PLA2G2C: variants seen among roughly 807,000 people sequenced by gnomAD.
The protein encoded by PLA2G2C is phospholipase A2 group IIC, also known as putative inactive group IIC secretory phospholipase A2.
PLA2G2C carries 15 observed loss-of-function variants against 14.3 expected under a neutral mutation model. The ratio of observed to expected loss-of-function variants is 1.05; its 90% confidence interval spans 0.70 to 1.62. The LOEUF is 1.62. Ranked by LOEUF, PLA2G2C falls within the 40% of genes most tolerant of loss-of-function variation. PLA2G2C has a pLI of 0.00. For synonymous variants in PLA2G2C, 79 were observed against 67.7 expected (o/e 1.17, Z -0.82); for missense variants, 162 against 173.2 (o/e 0.94, Z 0.36).
intron 4 of PLA2G2C, among the ~76,000 whole-genome samples, chr1:20,165,193 C>T (rs2017955331): frequency 6.6e-6 from 1 of 152,170 alleles, no homozygotes; most frequent in Non-Finnish European, 1.5e-5. Flanking sequence ...TGTCTCTGGG[C>T]CTTTGGACTT....
At chr1:20,171,793 G>A (rs1224295703) in intron 4 of PLA2G2C, among the ~76,000 whole-genome samples, 7 of 125,982 alleles carry the variant, frequency 5.6e-5, no homozygotes, top group African/African-American at 1.8e-4. Context: ...ACGGAGTCTC[G>A]CTCTGTGGCC....
intron 1 of PLA2G2C, among the ~76,000 whole-genome samples, chr1:20,181,689 G>A (rs1270829619): frequency 6.6e-6 from 1 of 152,178 alleles, no homozygotes; most frequent in Non-Finnish European, 1.5e-5. Context: ...GGACAGGAAT[G>A]GAGTCAGAGC....
At chr1:20,177,950 A>G (rs2018214360) in intron 1 of PLA2G2C, among the ~76,000 whole-genome samples, 1 of 152,194 alleles carries the variant, frequency 6.6e-6, no homozygotes, top group African/African-American at 2.4e-5. Flanking sequence ...AGGGCTTCAC[A>G]GGTATTACAT....
chr1:20,172,145 G>A (rs999224257), intron 4 of PLA2G2C, among the ~76,000 whole-genome samples: 21 of 152,222 alleles, frequency 1.4e-4, no homozygotes, highest in African/African-American at 5.1e-4. Context: ...GGAAAGGATG[G>A]TGCTCACGAA....
intron 4 of PLA2G2C, among the ~76,000 whole-genome samples, chr1:20,169,116 A>G (rs1484807878): frequency 6.6e-5 from 10 of 152,328 alleles, no homozygotes; most frequent in Non-Finnish European, 8.8e-5. Context: ...GGAGTTGGTT[A>G]ACTCTTGCAG....
At chr1:20,174,728 G>T (rs957286267) in intron 3 of PLA2G2C, among the ~76,000 whole-genome samples, 3 of 152,120 alleles carry the variant, frequency 2.0e-5, no homozygotes, top group Non-Finnish European at 4.4e-5. Flanking sequence ...TGAGTGCCAG[G>T]CCCTGTGAAA....
intron 1 of PLA2G2C, among the ~76,000 whole-genome samples, chr1:20,183,570 G>A (rs898066693): frequency 2.6e-5 from 4 of 152,234 alleles, no homozygotes; most frequent in African/African-American, 9.6e-5. Context: ...GAAGGGAGCC[G>A]ACCTAGGGAG....
rs2018394259 is a variant in PLA2G2C, at chr1:20,186,406, C to T, written c.-123G>A. ...CCCGGGCTCTGCAGAAACCGAGGGA[C>T]CTATGCAACCGCTGGGCCATGCCCT... is the stretch of plus-strand genomic sequence containing the variant. On this transcript the variant is annotated 5_prime_UTR_variant, in exon 1 of 5. Coordinates refer to ENST00000679259, the MANE Select transcript of PLA2G2C (RefSeq NM_001367969.2). 6.6e-6 allele frequency: 1 copy of T among 152,350 alleles called. No individual in the cohort carries two copies. Among genetic ancestry groups the T allele is most frequent in the Admixed American group, 6.5e-5 (1 of 15,290 alleles). 9.4% of individuals were successfully genotyped at this position (152,350 alleles called of 1,614,324 possible). A position where few individuals can be genotyped will look rare whatever the true frequency, so the allele number is the denominator to read the frequency against.
chr1:20,184,679 T>C (rs2018336144), intron 1 of PLA2G2C: 1 of 152,038 alleles, frequency 6.6e-6, no homozygotes. Context: ...AGCAAGGAAG[T>C]GTAGGCAGGC....
In PLA2G2C at chr1:20,164,119, TGCA is replaced by T. The variant is rs768390796; in HGVS notation, c.319_321del (p.Cys107del). The T allele has an allele frequency of 7.7e-5, 125 of 1,613,678 alleles. 1 individual carries two copies. The highest frequency in any genetic ancestry group is 3.3e-4 in the Middle Eastern group (2 of 5,978). ...TTGTCACACTCACAGGCCTTCAGCC[TGCA>T]GTGGCAGCTGGCACCAGGACCAAGG... On this transcript the variant is annotated inframe_deletion, in exon 5 of 5. Transcript: ENST00000679259.
At chr1:20,167,750 C>A (rs2018001750) in intron 4 of PLA2G2C, among the ~76,000 whole-genome samples, 1 of 152,214 alleles carries the variant, frequency 6.6e-6, no homozygotes, top group Non-Finnish European at 1.5e-5. Context: ...TGTCCAACCT[C>A]ATCTCCATTC....
At chr1:20,178,388 T>C (rs2018223312) in intron 1 of PLA2G2C, among the ~76,000 whole-genome samples, 2 of 152,272 alleles carry the variant, frequency 1.3e-5, no homozygotes, top group South Asian at 4.2e-4. Flanking sequence ...TTGGGCTAGA[T>C]TTACACCTGG....
chr1:20,174,656 G>T (rs1019011490), intron 3 of PLA2G2C, among the ~76,000 whole-genome samples: 3 of 152,186 alleles, frequency 2.0e-5, no homozygotes, highest in Non-Finnish European at 2.9e-5. Flanking sequence ...GAAAACATGA[G>T]GCCCTTTATT....
At chr1:20,176,166 G>A (rs1036720064) in intron 2 of PLA2G2C, among the ~76,000 whole-genome samples, 22 of 152,134 alleles carry the variant, frequency 1.4e-4, no homozygotes, top group Middle Eastern at 3.4e-3. Context: ...TGATCCGCCC[G>A]CCTCGGCCTC....
chr1:20,165,720 A>G (rs2017964743), intron 4 of PLA2G2C, among the ~76,000 whole-genome samples: 1 of 151,550 alleles, frequency 6.6e-6, no homozygotes, highest in Admixed American at 6.6e-5. Context: ...GCCTGTGTGC[A>G]TGTGTATGCT....
rs115041401 is a variant in PLA2G2C at position 20,180,132 on chromosome 1, G to A, written c.-76-2693C>T. ...CTCTTTCTATGTCAGCTTCTCCCTT[G>A]CATGTCAGCTTCTCCCTCTCCCCAT... On this transcript the variant is annotated intron_variant, in intron 1 of 4. Coordinates refer to ENST00000679259, the MANE Select transcript of PLA2G2C (RefSeq NM_001367969.2). Among the ~76,000 whole-genome samples, 964 of 152,014 alleles carry A rather than the reference G, an allele frequency of 6.3e-3. 13 individuals carry two copies. The highest frequency in any genetic ancestry group is 0.022 in the African/African-American group (915 of 41,436).
intron 2 of PLA2G2C, 143 bp downstream of exon 2, chr1:20,177,181 T>G (rs541004557): frequency 1.5e-6 from 1 of 680,624 alleles, no homozygotes; most frequent in African/African-American, 1.8e-5. Flanking sequence ...AAGAGGACGT[T>G]GGTGGGAGCC....
intron 1 of PLA2G2C, among the ~76,000 whole-genome samples, chr1:20,185,695 C>T (rs1252784844): frequency 1.3e-5 from 2 of 152,084 alleles, no homozygotes; most frequent in Non-Finnish European, 2.9e-5. Flanking sequence ...TTTAGGGTTC[C>T]GAGAATCCAT....
intron 2 of PLA2G2C, 141 bp from the exon 3 acceptor site, chr1:20,175,286 G>A: frequency 8.2e-7 from 1 of 1,214,844 alleles, no homozygotes; most frequent in Non-Finnish European, 1.2e-6. Flanking sequence ...GGCATGGCTG[G>A]AATCACCAGC....
Sources: allele counts gnomAD v4.1 joint callset (sites outside exome capture counted in the v4.1 genomes callset), GRCh38; gene constraint gnomAD v4.1.1; transcripts MANE v1.5; gene names NCBI Gene and HGNC (gene_info 2026-07-23, HGNC 2026-07-21).